EPM2A: variants seen among roughly 807,000 people sequenced by gnomAD.
The protein encoded by EPM2A is laforin.
EPM2A carries 21 observed loss-of-function variants against 26.5 expected under a neutral mutation model. The ratio of observed to expected loss-of-function variants is 0.79; its 90% CI spans 0.56 to 1.14. The LOEUF (loss-of-function observed/expected upper bound fraction) is 1.14. EPM2A is among the 50% of genes most tolerant of loss of function. The pLI is 0.00. For synonymous variants in EPM2A, 217 were observed against 177.6 expected, an observed-to-expected ratio of 1.22 and a Z score of -1.76; for missense variants, 458 against 440.8, an observed-to-expected ratio of 1.04 and a Z score of -0.35.
chr6:145,394,267 G>A (rs1036834255), intron 4 of EPM2A, among the ~76,000 whole-genome samples: 2 of 152,062 alleles, frequency 1.3e-5, no homozygotes, highest in Non-Finnish European at 2.9e-5. Context: ...CATTCCAGAG[G>A]TCTATCCTTT....
At chr6:145,551,253 C>G (rs1325805529) in intron 2 of EPM2A, among the ~76,000 whole-genome samples, 3 of 151,872 alleles carry the variant, frequency 2.0e-5, no homozygotes, top group Admixed American at 2.0e-4. Context: ...TTAAAAACAA[C>G]AACAACAAAT....
intron 1 of EPM2A, among the ~76,000 whole-genome samples, chr6:145,716,129 T>A (rs1314201797): frequency 6.6e-6 from 1 of 152,170 alleles, no homozygotes; most frequent in African/African-American, 2.4e-5. Context: ...ATCAACATAA[T>A]ACTTGGCAGA....
chr6:145,396,534 A>C (rs2114662544), intron 4 of EPM2A, among the ~76,000 whole-genome samples: 1 of 152,286 alleles, frequency 6.6e-6, no homozygotes, highest in South Asian at 2.1e-4. Flanking sequence ...GGAGCAGACA[A>C]TACTGTTGGA....
At chr6:145,587,714 C>T (rs543145012) in intron 2 of EPM2A, among the ~76,000 whole-genome samples, 1 of 152,310 alleles carries the variant, frequency 6.6e-6, no homozygotes, top group African/African-American at 2.4e-5. Context: ...TTCCAATTTT[C>T]ATTACTGAGC....
At chr6:145,716,070 A>C (rs1386822690) in intron 1 of EPM2A, among the ~76,000 whole-genome samples, 1 of 152,186 alleles carries the variant, frequency 6.6e-6, no homozygotes, top group Admixed American at 6.5e-5. Flanking sequence ...GGTTACTTAT[A>C]CTATCAAATA....
intron 4 of EPM2A, among the ~76,000 whole-genome samples, chr6:145,432,213 T>C (rs1582750489): frequency 1.3e-5 from 2 of 152,220 alleles, no homozygotes; most frequent in African/African-American, 4.8e-5. Context: ...AGTGTTGATA[T>C]TTTGACCTCC....
At chr6:145,401,577 T>C (rs1199838063) in intron 4 of EPM2A, among the ~76,000 whole-genome samples, 3 of 152,112 alleles carry the variant, frequency 2.0e-5, no homozygotes, top group Non-Finnish European at 2.9e-5. Flanking sequence ...CTTAATGAAA[T>C]TTAAGATGGG....
chr6:145,506,158 G>T (rs1285686384), intron 2 of EPM2A, among the ~76,000 whole-genome samples: 1 of 152,194 alleles, frequency 6.6e-6, no homozygotes, highest in African/African-American at 2.4e-5. Flanking sequence ...GTTTCCTTTG[G>T]TTTAGGGAGC....
At chr6:145,717,553 G>A (rs1775702723) in intron 1 of EPM2A, among the ~76,000 whole-genome samples, 1 of 152,134 alleles carries the variant, frequency 6.6e-6, no homozygotes, top group Admixed American at 6.5e-5. Flanking sequence ...TTTGAAAACT[G>A]GCACAAGACA....
chr6:145,418,845 C>G (rs1382540821), intron 4 of EPM2A, among the ~76,000 whole-genome samples: 2 of 152,160 alleles, frequency 1.3e-5, no homozygotes, highest in Non-Finnish European at 2.9e-5. Flanking sequence ...AAACCTGGCT[C>G]TTCCACTTTT....
intron 1 of EPM2A, among the ~76,000 whole-genome samples, chr6:145,702,465 T>C (rs763698222): frequency 2.2e-5 from 3 of 138,218 alleles, no homozygotes; most frequent in Non-Finnish European, 4.4e-5. Context: ...TTTTCTTATT[T>C]GCAAAAAGAA....
intron 2 of EPM2A, among the ~76,000 whole-genome samples, chr6:145,529,186 G>A (rs1390182536): frequency 1.3e-5 from 2 of 152,114 alleles, no homozygotes; most frequent in Non-Finnish European, 2.9e-5. Flanking sequence ...TTGTTGAAAT[G>A]ACAAGAAAAG....
chr6:145,608,229 T>C (rs1223975748), intron 2 of EPM2A, among the ~76,000 whole-genome samples: 1 of 152,244 alleles, frequency 6.6e-6, no homozygotes, highest in African/African-American at 2.4e-5. Context: ...GTTAATCTCT[T>C]GTTGTGCCTA....
At chr6:145,395,711 G>T (rs1778396214) in intron 4 of EPM2A, among the ~76,000 whole-genome samples, 1 of 152,050 alleles carries the variant, frequency 6.6e-6, no homozygotes, top group Non-Finnish European at 1.5e-5. Context: ...ACCAGAAGAG[G>T]TATCCTCCAT....
chr6:145,614,479 T>G (rs539604303), intron 2 of EPM2A, among the ~76,000 whole-genome samples: 138 of 152,380 alleles, frequency 9.1e-4, no homozygotes, highest in African/African-American at 3.2e-3. Context: ...AGGCCTAGCT[T>G]TCAGCTGACC....
chr6:145,699,316 T>C (rs1357341678), intron 1 of EPM2A, among the ~76,000 whole-genome samples: 1 of 152,184 alleles, frequency 6.6e-6, no homozygotes, highest in Admixed American at 6.6e-5. Context: ...TACCAAAGGA[T>C]TGCAAATAGG....
chr6:145,386,814 C>A (rs999500261), intron 4 of EPM2A, among the ~76,000 whole-genome samples: 1 of 152,090 alleles, frequency 6.6e-6, no homozygotes, highest in Non-Finnish European at 1.5e-5. Context: ...AATCTTAAAC[C>A]AAATTTTGTC....
intron 4 of EPM2A, among the ~76,000 whole-genome samples, chr6:145,409,680 G>A (rs1182099377): frequency 6.6e-6 from 1 of 152,128 alleles, no homozygotes; most frequent in Non-Finnish European, 1.5e-5. Flanking sequence ...AATCAGGAGT[G>A]GGGAAGTGGA....
chr6:145,627,619 GCAC>G lies in EPM2A; in HGVS notation c.790_792del (p.Val264del), dbSNP rs1775917726. On this transcript the variant is annotated inframe_deletion, in exon 4 of 4. Coordinates refer to ENST00000367519, the MANE Select transcript of EPM2A (RefSeq NM_005670.4). ...GAGCGGCCCACCCCAGCGTTGCAGT[GCAC>G]GTACACGATGTGTCCCTTCTCCAGC... The G allele has an allele frequency of 1.2e-6, 2 of 1,614,096 alleles. No individual in the cohort carries two copies. The highest frequency in any genetic ancestry group is 1.7e-6 in the Non-Finnish European group (2 of 1,180,056).
Sources: allele counts gnomAD v4.1 joint callset (sites outside exome capture counted in the v4.1 genomes callset), GRCh38; gene constraint gnomAD v4.1.1; transcripts MANE v1.5; gene names NCBI Gene and HGNC (gene_info 2026-07-23, HGNC 2026-07-21).